NRXN3: variants seen among roughly 807,000 people sequenced by gnomAD.
The protein encoded by NRXN3 is neurexin III.
Under a neutral mutation model 137.6 loss-of-function variants are expected in NRXN3, and 32 were observed. That is an observed-to-expected ratio of 0.23 (90% CI 0.18 to 0.31). The LOEUF is 0.31. Among genes scored for constraint, NRXN3 ranks in the 10% least tolerant of loss-of-function variants. The pLI, the probability that NRXN3 is intolerant of heterozygous loss-of-function variation, is 1.00. For missense variants in NRXN3, 1,574 were observed against 2,062.5 expected (o/e 0.76, Z 4.59); for synonymous variants, 798 against 784.5 (o/e 1.02, Z -0.29).
At chr14:79,391,188 A>G (rs1003735450) in intron 15 of NRXN3, among the ~76,000 whole-genome samples, 1 of 152,154 alleles carries the variant, frequency 6.6e-6, no homozygotes, top group Non-Finnish European at 1.5e-5. Context: ...ATGTGATTAG[A>G]GGATCTTAAT....
chr14:79,372,034 G>A (rs2153436003), intron 15 of NRXN3, among the ~76,000 whole-genome samples: 2 of 152,198 alleles, frequency 1.3e-5, no homozygotes, highest in East Asian at 3.9e-4. Flanking sequence ...TTTATATGCT[G>A]ATATAGATGG....
chr14:79,822,472 G>C (rs1419917192), intron 20 of NRXN3, among the ~76,000 whole-genome samples: 1 of 152,064 alleles, frequency 6.6e-6, no homozygotes, highest in Admixed American at 6.6e-5. Flanking sequence ...GCAAAATAAA[G>C]GTTGGCAATG....
rs141367190 is a variant in NRXN3 at position 79,447,633 on chromosome 14, A to G, written c.3263-19588A>G. Among the ~76,000 whole-genome samples the G allele has an allele frequency of 2.0e-5, 3 of 152,326 alleles. No homozygotes were observed. The East Asian group carries it at 5.8e-4, about 29-fold the overall frequency. ...GTGACCATTCAGTCTCTACTATACT[A>G]GAACCCATCTGATGATGAAATTTTG... On this transcript the variant is annotated intron_variant, in intron 15 of 20. Coordinates refer to ENST00000335750, the MANE Select transcript of NRXN3 (RefSeq NM_001330195.2).
In NRXN3 at chr14:79,593,536, C is replaced by T. The variant is rs11629430; in HGVS notation, c.3445-70242C>T. ...GTCCCAGGTACTCGGGAGGCTGAGG[C>T]GGGAGAATGGCGTGAACCCGGGAGG... On this transcript the variant is annotated intron_variant, in intron 16 of 20. Coordinates refer to ENST00000335750, the MANE Select transcript of NRXN3 (RefSeq NM_001330195.2). Among the ~76,000 whole-genome samples the T allele has an allele frequency of 2.1e-5, 3 of 145,284 alleles. No homozygotes were observed. In the South Asian group the frequency reaches 6.6e-4, roughly 32 times the overall value.
At chr14:78,594,623 G>A (rs1330603758) in intron 4 of NRXN3, among the ~76,000 whole-genome samples, 1 of 152,110 alleles carries the variant, frequency 6.6e-6, no homozygotes, top group African/African-American at 2.4e-5. Flanking sequence ...ATTCATATTT[G>A]GGCCAGAAGT....
rs553897388 is a variant in NRXN3 at position 79,131,286 on chromosome 14, G to A, written c.3262+143145G>A. On this transcript the variant is annotated intron_variant, in intron 15 of 20. Coordinates refer to ENST00000335750, the MANE Select transcript of NRXN3 (RefSeq NM_001330195.2). ...TTAGAGTTTCCAGTTTTTCTGCTCT[G>A]TTTTTTCCCCATCTTTGTGGTTTTA... Among the ~76,000 whole-genome samples, 726 of 152,128 alleles carry A rather than the reference G, an allele frequency of 4.8e-3. 11 individuals are homozygous for A. Among genetic ancestry groups the A allele is most frequent in the African/African-American group, 0.017 (704 of 41,508 alleles).
At chr14:78,541,711 T>A (rs762434883) in intron 4 of NRXN3, among the ~76,000 whole-genome samples, 16 of 152,234 alleles carry the variant, frequency 1.1e-4, no homozygotes, top group Non-Finnish European at 2.1e-4. Flanking sequence ...ATTTTTAGAA[T>A]TTTCAGCTTT....
intron 19 of NRXN3, among the ~76,000 whole-genome samples, chr14:79,799,690 G>A (rs374714362): frequency 8.5e-5 from 13 of 152,104 alleles, no homozygotes; most frequent in Middle Eastern, 3.4e-3. Flanking sequence ...CAGCCCACCC[G>A]TCCTCACTTC....
chr14:79,371,299 A>G (rs1301965916), intron 15 of NRXN3, among the ~76,000 whole-genome samples: 1 of 152,178 alleles, frequency 6.6e-6, no homozygotes, highest in African/African-American at 2.4e-5. Flanking sequence ...ATAAAAGCTC[A>G]CAGAGAGTTA....
At chr14:78,906,119 T>C (rs1422392344) in intron 10 of NRXN3, among the ~76,000 whole-genome samples, 1 of 152,090 alleles carries the variant, frequency 6.6e-6, no homozygotes, top group African/African-American at 2.4e-5. Context: ...TATCGCACAA[T>C]CATATTTTCT....
chr14:79,216,362 C>T (rs1480395865), intron 15 of NRXN3, among the ~76,000 whole-genome samples: 1 of 152,156 alleles, frequency 6.6e-6, no homozygotes, highest in Non-Finnish European at 1.5e-5. Context: ...TCTGGAGGCA[C>T]ACAGTTACAT....
intron 16 of NRXN3, among the ~76,000 whole-genome samples, chr14:79,486,865 A>C (rs10483922): frequency 0.038 from 5,734 of 150,382 alleles, 336 homozygotes; most frequent in African/African-American, 0.13. Context: ...TGTTAGCCTA[A>C]GTAATCTCTA....
At chr14:78,470,833 T>C (rs1226623728) in intron 4 of NRXN3, among the ~76,000 whole-genome samples, 2 of 152,182 alleles carry the variant, frequency 1.3e-5, no homozygotes, top group Non-Finnish European at 2.9e-5. Flanking sequence ...CTCACAACTG[T>C]CCTGGGGTAC....
chr14:79,407,042 A>G (rs546887692), intron 15 of NRXN3, among the ~76,000 whole-genome samples: 24 of 152,260 alleles, frequency 1.6e-4, no homozygotes, highest in African/African-American at 5.8e-4. Context: ...CAGGGATGCT[A>G]TATCACAGCT....
At chr14:79,363,579 GTTGCTCCTTCTACTTTCT>G in intron 15 of NRXN3, among the ~76,000 whole-genome samples, 1 of 145,982 alleles carries the variant, frequency 6.9e-6, no homozygotes, top group Non-Finnish European at 1.5e-5. Context: ...GGTGTCTACA[GTTGCTCCTTCTACTTTCT>G]TAAGAAAAAA....
chr14:79,255,929 T>C (rs2076508652), intron 15 of NRXN3, among the ~76,000 whole-genome samples: 1 of 152,194 alleles, frequency 6.6e-6, no homozygotes. Context: ...TATACAATAA[T>C]GGAAATTTGC....
rs956019774 is a variant in NRXN3, at chr14:78,639,930, C to T, written c.758-5190C>T. Among the ~76,000 whole-genome samples the T allele has an allele frequency of 2.0e-5, 3 of 152,182 alleles. No individual in the cohort carries two copies. The East Asian group carries it at 5.8e-4, about 29-fold the overall frequency. ...AGAAGGCATTTGGAAATCCATGACA[C>T]GTCCAGATGCATGTAAATACCTGCT... On this transcript the variant is annotated intron_variant, in intron 4 of 20. Transcript: ENST00000335750.
chr14:79,255,566 A>G (rs576458739), intron 15 of NRXN3, among the ~76,000 whole-genome samples: 17 of 152,390 alleles, frequency 1.1e-4, no homozygotes, highest in African/African-American at 3.1e-4. Context: ...TTGTTGCATT[A>G]AATGAGATAA....
chr14:78,991,263 G>A (rs2099518267), intron 15 of NRXN3, among the ~76,000 whole-genome samples: 1 of 152,212 alleles, frequency 6.6e-6, no homozygotes, highest in Non-Finnish European at 1.5e-5. Context: ...CCTGCCACAA[G>A]TGGCCTGCCT....
Sources: gnomAD v4.1 joint callset for allele counts (sites outside exome capture counted in the v4.1 genomes callset) on GRCh38, gnomAD v4.1.1 for gene constraint, MANE v1.5 for transcripts, NCBI Gene and HGNC (gene_info 2026-07-23, HGNC 2026-07-21) for gene names.